Variants in RAB10 observed in about 807,000 individuals in gnomAD.
The protein encoded by RAB10 is RAB10, member RAS oncogene family.
A neutral mutation model predicts 25.7 loss-of-function variants in RAB10; 5 were observed. The observed-to-expected ratio is 0.19, with a 90% CI of 0.10 to 0.41. The LOEUF is 0.41. Ranked by LOEUF, RAB10 falls within the 10% of genes least tolerant of loss-of-function variation. RAB10 has a pLI of 1.00. For synonymous variants in RAB10, 89 were observed against 86.4 expected (o/e 1.03, Z -0.16); for missense variants, 103 against 245.8 (o/e 0.42, Z 3.89).
intron 3 of RAB10, among the ~76,000 whole-genome samples, chr2:26,119,072 T>C (rs931073806): frequency 6.6e-6 from 1 of 152,160 alleles, no homozygotes; most frequent in East Asian, 1.9e-4. Context: ...GTCTTTAACC[T>C]CATCATGCTT....
intron 1 of RAB10, among the ~76,000 whole-genome samples, chr2:26,081,115 C>G (rs1268236973): frequency 6.6e-6 from 1 of 152,154 alleles, no homozygotes; most frequent in African/African-American, 2.4e-5. Context: ...TGCACAAGCT[C>G]TCTCTTTGCC....
At chr2:26,055,327 G>A (rs1277723752) in intron 1 of RAB10, among the ~76,000 whole-genome samples, 2 of 151,464 alleles carry the variant, frequency 1.3e-5, no homozygotes, top group East Asian at 1.9e-4. Context: ...TGCCTTTTAA[G>A]TCACTATTTT....
At chr2:26,118,068 A>G (rs1667729040) in intron 3 of RAB10, among the ~76,000 whole-genome samples, 2 of 149,454 alleles carry the variant, frequency 1.3e-5, no homozygotes, top group Admixed American at 1.3e-4. Context: ...CACCTCCCGG[A>G]TTCAAGTGGT....
intron 1 of RAB10, among the ~76,000 whole-genome samples, chr2:26,068,735 C>T (rs759799887): frequency 6.6e-6 from 1 of 152,156 alleles, no homozygotes; most frequent in Non-Finnish European, 1.5e-5. Context: ...TTGTGTTAAT[C>T]GCTTAACTCT....
In RAB10 at chr2:26,136,105, A is replaced by G. The variant is rs1225765286; in HGVS notation, c.*1084A>G. 6.6e-6 allele frequency: 1 copy of G among 152,654 alleles called. No individual in the cohort carries two copies. The highest frequency in any genetic ancestry group is 2.4e-5 in the African/African-American group (1 of 41,454). The allele number at this position is 152,654 out of a possible 1,614,324, so 9.5% of individuals were successfully genotyped here. On this transcript the variant is annotated 3_prime_UTR_variant, in exon 6 of 6. Transcript: ENST00000264710. ...TTTATGAAATGGAAGAGTTAACTGC[A>G]TGCACTAGTGTTTGGAGGGTGTTGT...
chr2:26,066,574 G>A (rs769779693), intron 1 of RAB10, among the ~76,000 whole-genome samples: 2 of 152,044 alleles, frequency 1.3e-5, no homozygotes, highest in South Asian at 2.1e-4. Context: ...AAGGCAGGGC[G>A]GCAGGAGAGA....
At chr2:26,100,653 A>G (rs895853025) in intron 2 of RAB10, among the ~76,000 whole-genome samples, 18 of 152,220 alleles carry the variant, frequency 1.2e-4, no homozygotes, top group African/African-American at 4.3e-4. Flanking sequence ...TCTGCAAGGC[A>G]GAGACCCCAG....
chr2:26,039,350 T>A (rs1051279882), intron 1 of RAB10, among the ~76,000 whole-genome samples: 15 of 149,442 alleles, frequency 1.0e-4, no homozygotes, highest in African/African-American at 2.5e-4. Flanking sequence ...AGTAAAAAAA[T>A]TTTTTTTCTT....
rs780504967 is a variant in RAB10 at position 26,109,925 on chromosome 2, A to G, written c.327+19A>G. ...AGATGAGGTAAGACCTAGAACTTGT[A>G]TAAACCCTTCATGAACACACATTTG... On this transcript the variant is annotated intron_variant, in intron 3 of 5. Transcript: ENST00000264710. The G allele has an allele frequency of 2.6e-6, 4 of 1,564,770 alleles. No homozygotes were observed. Among genetic ancestry groups the G allele is most frequent in the African/African-American group, 2.8e-5 (2 of 72,394 alleles).
chr2:26,078,998 GTGACA>G (rs1255058746), intron 1 of RAB10, among the ~76,000 whole-genome samples: 1 of 152,152 alleles, frequency 6.6e-6, no homozygotes, highest in African/African-American at 2.4e-5. Flanking sequence ...GACCATTCTG[GTGACA>G]TGATAAAACC....
At chr2:26,119,123 A>G (rs541068018) in intron 3 of RAB10, among the ~76,000 whole-genome samples, 3 of 152,188 alleles carry the variant, frequency 2.0e-5, no homozygotes, top group Admixed American at 6.6e-5. Flanking sequence ...AAGGATGTAT[A>G]GGGCTGTGCA....
chr2:26,125,941 T>C (rs1304187411), intron 3 of RAB10, among the ~76,000 whole-genome samples: 3 of 152,208 alleles, frequency 2.0e-5, no homozygotes, highest in South Asian at 2.1e-4. Context: ...AAGAAACCAT[T>C]GCCAAATCCA....
intron 5 of RAB10, among the ~76,000 whole-genome samples, chr2:26,131,823 C>G (rs1301309871): frequency 6.6e-6 from 1 of 152,156 alleles, no homozygotes; most frequent in African/African-American, 2.4e-5. Flanking sequence ...ATTTCACTTA[C>G]TATAAGCAAA....
At chr2:26,069,680 AAAAAG>A (rs1666583942) in intron 1 of RAB10, among the ~76,000 whole-genome samples, 1 of 151,624 alleles carries the variant, frequency 6.6e-6, no homozygotes, top group Non-Finnish European at 1.5e-5. Context: ...CCCCCCAAAA[AAAAAG>A]AAAAAAGGAA....
intron 1 of RAB10, among the ~76,000 whole-genome samples, chr2:26,074,926 A>G (rs540642620): frequency 6.6e-6 from 1 of 152,232 alleles, no homozygotes; most frequent in East Asian, 1.9e-4. Flanking sequence ...CGGGTCTGGC[A>G]TATAGTAAGC....
chr2:26,063,877 AACCTCTGC>A (rs879658354), intron 1 of RAB10, among the ~76,000 whole-genome samples: 6 of 152,260 alleles, frequency 3.9e-5, no homozygotes, highest in Admixed American at 6.5e-5. Flanking sequence ...AGCTCGCTGC[AACCTCTGC>A]CTCCCGGGTT....
At chr2:26,093,633 AAAGAAAAC>A (rs554783377) in intron 1 of RAB10, among the ~76,000 whole-genome samples, 65 of 152,342 alleles carry the variant, frequency 4.3e-4, no homozygotes, top group African/African-American at 1.5e-3. Flanking sequence ...TTTACCAGGA[AAAGAAAAC>A]TGGGATGAGG....
At chr2:26,035,286 G>T (rs1665742057) in intron 1 of RAB10, among the ~76,000 whole-genome samples, 1 of 152,160 alleles carries the variant, frequency 6.6e-6, no homozygotes, top group South Asian at 2.1e-4. Context: ...GGCTCTTCGC[G>T]CTTGGGGTGG....
At position 26,128,998 on chromosome 2, in the gene RAB10, C is replaced by T. The variant is rs189168840; in HGVS notation, c.519+1047C>T. Among the ~76,000 whole-genome samples the T allele has an allele frequency of 4.7e-4, 72 of 152,212 alleles. No homozygotes were observed. In the East Asian group the frequency reaches 8.1e-3, roughly 17 times the overall value. ...TAAAATCTGACATACATTGGCCAGG[C>T]GCGGTGGCTCACGTCTATAATCCCA... On this transcript the variant is annotated intron_variant, in intron 5 of 5. Transcript: ENST00000264710.
Sources: allele counts gnomAD v4.1 joint callset (sites outside exome capture counted in the v4.1 genomes callset), GRCh38; gene constraint gnomAD v4.1.1; transcripts MANE v1.5; gene names NCBI Gene and HGNC (gene_info 2026-07-23, HGNC 2026-07-21).